Variants in ADGRL2 observed in about 807,000 individuals in gnomAD.
The protein encoded by ADGRL2 is calcium-independent alpha-latrotoxin receptor 2.
A neutral mutation model predicts 157.4 loss-of-function variants in ADGRL2; 44 were observed. The ratio of observed to expected loss-of-function variants is 0.28; its 90% CI spans 0.22 to 0.36. ADGRL2 has a LOEUF of 0.36. Among genes scored for constraint, ADGRL2 ranks in the 10% least tolerant of loss-of-function variants. The pLI is 1.00. For missense variants in ADGRL2, 1,510 were observed against 1,768.9 expected (o/e 0.85, Z 2.63); for synonymous variants, 585 against 624.7 (o/e 0.94, Z 0.95).
intron 17 of ADGRL2, among the ~76,000 whole-genome samples, chr1:81,973,302 A>AG (rs1659288798): frequency 6.6e-6 from 1 of 152,146 alleles, no homozygotes. Flanking sequence ...TGATTGCCCA[A>AG]GTTTTTGTTC....
At chr1:81,850,732 A>G (rs1173397110) in intron 2 of ADGRL2, among the ~76,000 whole-genome samples, 2 of 152,028 alleles carry the variant, frequency 1.3e-5, no homozygotes, top group East Asian at 3.9e-4. Context: ...GTTATTGAAC[A>G]CTGGAAATGT....
intron 17 of ADGRL2, among the ~76,000 whole-genome samples, chr1:81,975,706 A>G (rs1324209298): frequency 6.6e-6 from 1 of 152,058 alleles, no homozygotes; most frequent in African/African-American, 2.4e-5. Context: ...TTATGTCATG[A>G]GAAAAATGCA....
intron 2 of ADGRL2, among the ~76,000 whole-genome samples, chr1:81,534,892 T>C (rs1391098588): frequency 1.3e-5 from 2 of 152,238 alleles, no homozygotes; most frequent in East Asian, 3.8e-4. Context: ...AAGTTATTTT[T>C]AACATTCTTT....
chr1:81,632,409 A>C (rs2082027491), intron 3 of ADGRL2, among the ~76,000 whole-genome samples: 1 of 152,188 alleles, frequency 6.6e-6, no homozygotes. Flanking sequence ...AATTTCAAAC[A>C]GAGGGAAGAA....
In ADGRL2 at chr1:81,783,560, ATAAT is replaced by A. The variant is rs1333567725; in HGVS notation, c.-101+21712_-101+21715del. Among the ~76,000 whole-genome samples the A allele has an allele frequency of 4.6e-5, 7 of 152,332 alleles. No individual in the cohort carries two copies. The South Asian group carries it at 1.2e-3, about 27-fold the overall frequency. ...AATATGAAAGAAAATAAATAAGTAAATAATTAACTCTATAAACATAACTAAGAGT... is the reference window on the plus strand; with the variant it reads ...AATATGAAAGAAAATAAATAAGTAAATAACTCTATAAACATAACTAAGAGT... On this transcript the variant is annotated intron_variant, in intron 2 of 20. Transcript: ENST00000359929.
At chr1:81,427,238 G>C in intron 1 of ADGRL2, 1 of 764,804 alleles carries the variant, frequency 1.3e-6, no homozygotes. Context: ...TGCTGGTGGA[G>C]GTGGTGGCAG....
intron 2 of ADGRL2, among the ~76,000 whole-genome samples, chr1:81,556,418 A>AAAGT (rs927254410): frequency 6.9e-6 from 1 of 144,712 alleles, no homozygotes; most frequent in African/African-American, 2.6e-5. Flanking sequence ...TCCTGGGTTC[A>AAAGT]AAGTGCTGGG....
chr1:81,436,313 A>G (rs2077408544), intron 1 of ADGRL2, among the ~76,000 whole-genome samples: 1 of 152,146 alleles, frequency 6.6e-6, no homozygotes, highest in African/African-American at 2.4e-5. Context: ...TCTAGAGGGG[A>G]CTTACAAATA....
chr1:81,737,735 A>G (rs1296299464), intron 1 of ADGRL2, among the ~76,000 whole-genome samples: 1 of 152,230 alleles, frequency 6.6e-6, no homozygotes, highest in Non-Finnish European at 1.5e-5. Flanking sequence ...TGAATGTGCA[A>G]ATAAAAGTTG....
intron 3 of ADGRL2, among the ~76,000 whole-genome samples, chr1:81,650,574 C>CAAAAAAAAAAA (rs1180168819): frequency 9.7e-5 from 6 of 62,152 alleles, no homozygotes; most frequent in South Asian, 5.2e-4. Context: ...GACTCCATCT[C>CAAAAAAAAAAA]AAAAAAAAAA....
chr1:81,915,538 A>T (rs759511480), intron 3 of ADGRL2, among the ~76,000 whole-genome samples: 13 of 152,178 alleles, frequency 8.5e-5, no homozygotes, highest in Non-Finnish European at 1.8e-4. Flanking sequence ...AGGAAACCAG[A>T]GTATTTTCCA....
At chr1:81,639,578 T>C (rs12118252) in intron 3 of ADGRL2, among the ~76,000 whole-genome samples, 34,117 of 141,890 alleles carry the variant, frequency 0.24, 4,708 homozygotes, top group Non-Finnish European at 0.32. Context: ...TGAAGGTATA[T>C]GACACTAACA....
At chr1:81,785,525 C>T (rs1199379195) in intron 2 of ADGRL2, among the ~76,000 whole-genome samples, 1 of 151,842 alleles carries the variant, frequency 6.6e-6, no homozygotes, top group Non-Finnish European at 1.5e-5. Context: ...CCCAAGAGTT[C>T]CAGACCAGCC....
At position 81,794,639 on chromosome 1, in the gene ADGRL2, A is replaced by G. The variant is rs371809753; in HGVS notation, c.-101+32787A>G. ...ATGAATGACATTTTAATATGATTCT[A>G]AATTTGGATGCTAATTTGAAAGAAA... On this transcript the variant is annotated intron_variant, in intron 2 of 20. Transcript: ENST00000359929. Among the ~76,000 whole-genome samples the G allele has an allele frequency of 1.1e-3, 171 of 152,318 alleles. 6 individuals are homozygous for G. In the South Asian group the frequency reaches 0.032, roughly 28 times the overall value.
At chr1:81,624,888 G>T (rs1403102090) in intron 3 of ADGRL2, among the ~76,000 whole-genome samples, 1 of 152,124 alleles carries the variant, frequency 6.6e-6, no homozygotes, top group African/African-American at 2.4e-5. Context: ...GAGTTGCTGT[G>T]CAGCTCTATT....
At chr1:81,973,225 T>G (rs1659269213) in intron 17 of ADGRL2, among the ~76,000 whole-genome samples, 1 of 152,178 alleles carries the variant, frequency 6.6e-6, no homozygotes, top group African/African-American at 2.4e-5. Flanking sequence ...CTGTATGAAT[T>G]AAACCAGTAA....
At chr1:81,702,826 T>C (rs186314772) in intron 1 of ADGRL2, among the ~76,000 whole-genome samples, 7 of 152,324 alleles carry the variant, frequency 4.6e-5, no homozygotes, top group African/African-American at 1.7e-4. Flanking sequence ...TATGGTAATA[T>C]ATGAAAGGAA....
intron 19 of ADGRL2, among the ~76,000 whole-genome samples, chr1:81,983,390 G>A (rs1310092787): frequency 1.3e-5 from 2 of 151,906 alleles, no homozygotes; most frequent in Non-Finnish European, 2.9e-5. Flanking sequence ...ATGCTTTGAA[G>A]ACTCAACCAC....
chr1:81,566,233 C>G (rs1337089153), intron 2 of ADGRL2, among the ~76,000 whole-genome samples: 2 of 152,130 alleles, frequency 1.3e-5, no homozygotes, highest in South Asian at 4.2e-4. Flanking sequence ...GTATTGGTTG[C>G]CATTAGGTTG....
Sources: gnomAD v4.1 joint callset for allele counts (sites outside exome capture counted in the v4.1 genomes callset) on GRCh38, gnomAD v4.1.1 for gene constraint, MANE v1.5 for transcripts, NCBI Gene and HGNC (gene_info 2026-07-23, HGNC 2026-07-21) for gene names.